Variants in ARMC2 observed in about 807,000 individuals in gnomAD.
The protein encoded by ARMC2 is armadillo repeat-containing protein 2.
A neutral mutation model predicts 90.3 loss-of-function variants in ARMC2; 67 were observed. The ratio of observed to expected loss-of-function variants is 0.74; its 90% CI spans 0.61 to 0.91. The LOEUF (loss-of-function observed/expected upper bound fraction) is 0.91. Ranked by LOEUF, ARMC2 falls within the 40% of genes least tolerant of loss-of-function variation. The probability of loss-of-function intolerance (pLI) is 0.00; values close to 1 mark genes in which losing one functional copy is unlikely to be tolerated. For synonymous variants in ARMC2, 393 were observed against 393.0 expected (o/e 1.00, Z 0.00); for missense variants, 920 against 1,030.9 (o/e 0.89, Z 1.47).
At chr6:109,009,557 G>A in the ARMC2 span, 8 of 969,444 alleles carry the variant, frequency 8.3e-6, no homozygotes, top group South Asian at 3.3e-4. Context: ...ACGGACGGCG[G>A]GGGGGCGGGG....
chr6:108,964,384 C>G (rs1778214482), intron 16 of ARMC2, 72 bp downstream of exon 16: 2 of 1,529,214 alleles, frequency 1.3e-6, no homozygotes, highest in Non-Finnish European at 8.9e-7. Flanking sequence ...AGCTTTGGCC[C>G]TTTCATCATT....
chr6:109,031,809 T>A, the ARMC2 span, among the ~76,000 whole-genome samples: 1 of 152,170 alleles, frequency 6.6e-6, no homozygotes, highest in African/African-American at 2.4e-5. Flanking sequence ...TAACTTCCCC[T>A]AAGATTACAG....
intron 1 of ARMC2, among the ~76,000 whole-genome samples, chr6:108,851,849 A>G (rs1368330071): frequency 6.6e-6 from 1 of 152,202 alleles, no homozygotes; most frequent in African/African-American, 2.4e-5. Flanking sequence ...AATGCAGTCA[A>G]GAGTACTTAG....
chr6:109,004,230 G>T, the ARMC2 span, among the ~76,000 whole-genome samples: 1 of 151,924 alleles, frequency 6.6e-6, no homozygotes, highest in Non-Finnish European at 1.5e-5. Flanking sequence ...AGTGCAGCAG[G>T]CCTAAGAATA....
the ARMC2 span, among the ~76,000 whole-genome samples, chr6:109,027,271 G>C: frequency 6.6e-6 from 1 of 151,234 alleles, no homozygotes; most frequent in Non-Finnish European, 1.5e-5. Context: ...TCAGGAGTTC[G>C]AGACCAGTCT....
chr6:108,899,320 T>C (rs925099740), intron 6 of ARMC2, among the ~76,000 whole-genome samples: 1 of 152,212 alleles, frequency 6.6e-6, no homozygotes, highest in African/African-American at 2.4e-5. Context: ...CATTACACAT[T>C]TTTAAAATCC....
At chr6:108,994,342 G>C in the ARMC2 span, 1 of 725,786 alleles carries the variant, frequency 1.4e-6, no homozygotes, top group East Asian at 2.9e-5. Context: ...GAATACCTAT[G>C]CAATAGTCTC....
At position 108,870,519 on chromosome 6, in the gene ARMC2, CAGAA is replaced by C. The variant is rs578235524; in HGVS notation, c.463+1528_463+1531del. Among the ~76,000 whole-genome samples, 26 of 135,038 alleles carry C rather than the reference CAGAA, an allele frequency of 1.9e-4. No individual in the cohort carries two copies. The South Asian group carries it at 2.3e-3, about 12-fold the overall frequency. 88.6% of individuals were successfully genotyped at this position (135,038 alleles called of 152,430 possible). A position where few individuals can be genotyped will look rare whatever the true frequency, so the allele number is the denominator to read the frequency against. The stretch of plus-strand genomic sequence containing the variant: ...AGAAAGAGAGAGAGAAAGAGAGAGA[CAGAA>C]AGAGAAAGGAAGGTAGGAAGGAAGG... On this transcript the variant is annotated intron_variant, in intron 4 of 17. Transcript: ENST00000392644.
At chr6:109,028,367 G>A in the ARMC2 span, among the ~76,000 whole-genome samples, 1 of 152,066 alleles carries the variant, frequency 6.6e-6, no homozygotes, top group African/African-American at 2.4e-5. Context: ...TTGGAGTAGG[G>A]GAAGAATGGG....
intron 16 of ARMC2, among the ~76,000 whole-genome samples, chr6:108,964,677 G>A (rs1323174942): frequency 1.3e-5 from 2 of 152,128 alleles, no homozygotes; most frequent in African/African-American, 4.8e-5. Context: ...AGGAGGCTGA[G>A]GCAGGAGAAT....
intron 5 of ARMC2, among the ~76,000 whole-genome samples, chr6:108,885,329 A>T (rs988921207): frequency 6.6e-6 from 1 of 152,114 alleles, no homozygotes; most frequent in Non-Finnish European, 1.5e-5. Flanking sequence ...TCTTACAGAC[A>T]TCCCTTTAAA....
At chr6:108,975,829 G>A (rs1442489921), downstream of ARMC2, among the ~76,000 whole-genome samples, 1 of 152,118 alleles carries the variant, frequency 6.6e-6, no homozygotes, top group Non-Finnish European at 1.5e-5. Flanking sequence ...CATATCCTTT[G>A]CCCACTTTTT....
rs3734650 is a variant in ARMC2, at chr6:108,973,814, A to G, written c.*300A>G. The G allele has an allele frequency of 0.17, 38,638 of 229,734 alleles. 3,672 individuals are homozygous for G. The highest frequency in any genetic ancestry group is 0.27 in the African/African-American group (11,965 of 44,156). The allele number at this position is 229,734 out of a possible 1,614,324, so 14.2% of individuals were successfully genotyped here. A position where few individuals can be genotyped will look rare whatever the true frequency, so the allele number is the denominator to read the frequency against. ...TAAACAATTTAGTTCTAGTCTTAAAATCTTGATTTAACAATTTTGGAATTG... is the reference window on the plus strand; with the variant it reads ...TAAACAATTTAGTTCTAGTCTTAAAGTCTTGATTTAACAATTTTGGAATTG... On this transcript the variant is annotated 3_prime_UTR_variant, in exon 18 of 18. Coordinates refer to ENST00000392644, the MANE Select transcript of ARMC2 (RefSeq NM_032131.6).
chr6:108,985,388 TC>T, the ARMC2 span, among the ~76,000 whole-genome samples: 1 of 152,156 alleles, frequency 6.6e-6, no homozygotes, highest in Admixed American at 6.5e-5. Context: ...GGTTTTGATA[TC>T]CCCAGTGTAA....
chr6:108,916,999 A>C (rs141444697), intron 10 of ARMC2, among the ~76,000 whole-genome samples: 1,736 of 152,332 alleles, frequency 0.011, 6 homozygotes, highest in South Asian at 0.031. Context: ...ATGTACTTAC[A>C]TTAACAGCTA....
intron 3 of ARMC2, among the ~76,000 whole-genome samples, chr6:108,858,784 G>A (rs1242830942): frequency 6.6e-6 from 1 of 152,026 alleles, no homozygotes; most frequent in African/African-American, 2.4e-5. Flanking sequence ...CTCCTCAGTG[G>A]CTTTCACTTT....
the ARMC2 span, among the ~76,000 whole-genome samples, chr6:109,026,379 T>C: frequency 6.6e-6 from 1 of 152,222 alleles, no homozygotes; most frequent in Non-Finnish European, 1.5e-5. Flanking sequence ...ATTTTATGGG[T>C]AAAATTCTCA....
At chr6:108,946,421 G>A (rs1357354401) in intron 12 of ARMC2, among the ~76,000 whole-genome samples, 4 of 152,276 alleles carry the variant, frequency 2.6e-5, no homozygotes, top group East Asian at 3.9e-4. Context: ...AGTTAAACAC[G>A]TAGGCAAACT....
chr6:108,937,974 A>G (rs1169986996), intron 12 of ARMC2, among the ~76,000 whole-genome samples: 2 of 152,230 alleles, frequency 1.3e-5, no homozygotes, highest in East Asian at 1.9e-4. Context: ...TGCTGGGATT[A>G]TAGGCGTGAG....
Sources: gnomAD v4.1 joint callset for allele counts (sites outside exome capture counted in the v4.1 genomes callset) on GRCh38, gnomAD v4.1.1 for gene constraint, MANE v1.5 for transcripts, NCBI Gene and HGNC (gene_info 2026-07-23, HGNC 2026-07-21) for gene names.